The following ATXN7 variants were observed in gnomAD, a reference collection of about 807,000 sequenced individuals.
ATXN7 encodes ataxin-7.
In ATXN7, 12 loss-of-function variants were observed where a neutral mutation model predicts 70.5. The ratio of observed to expected loss-of-function variants is 0.17; its 90% CI spans 0.11 to 0.28. ATXN7 has a LOEUF of 0.28. Among genes scored for constraint, ATXN7 ranks in the 10% least tolerant of loss-of-function variants. ATXN7 has a pLI of 1.00. For missense variants in ATXN7, 1,256 were observed against 1,131.7 expected (o/e 1.11, Z -1.58); for synonymous variants, 498 against 448.7 (o/e 1.11, Z -1.39).
chr3:63,944,773 AGTTTTTG>A (rs1423250987), intron 4 of ATXN7, among the ~76,000 whole-genome samples: 1 of 151,222 alleles, frequency 6.6e-6, no homozygotes, highest in Non-Finnish European at 1.5e-5. Context: ...GTTTTTTGTT[AGTTTTTG>A]GTTTTTGTTT....
chr3:63,945,393 A>G (rs1406346423), intron 4 of ATXN7, among the ~76,000 whole-genome samples: 1 of 152,244 alleles, frequency 6.6e-6, no homozygotes, highest in Non-Finnish European at 1.5e-5. Flanking sequence ...AGAATCAGAC[A>G]TTGAAATACA....
intron 4 of ATXN7, among the ~76,000 whole-genome samples, chr3:63,921,896 A>G (rs567695143): frequency 3.9e-5 from 6 of 152,370 alleles, no homozygotes; most frequent in African/African-American, 1.4e-4. Flanking sequence ...TAATCAAGTC[A>G]TCAGCCAGGA....
intron 1 of ATXN7, among the ~76,000 whole-genome samples, chr3:63,895,842 C>T (rs1703428662): frequency 3.3e-5 from 5 of 151,696 alleles, no homozygotes; most frequent in Non-Finnish European, 7.4e-5. Context: ...CTGGGGGAAA[C>T]GGGAGATAAG....
chr3:63,878,845 A>G (rs1702822631), intron 1 of ATXN7, among the ~76,000 whole-genome samples: 1 of 152,208 alleles, frequency 6.6e-6, no homozygotes, highest in African/African-American at 2.4e-5. Context: ...AAGGGAGCCC[A>G]GAGCAGGGAG....
rs115863396 is a variant in ATXN7, at chr3:63,901,138, G to T, written c.-12+2641G>T. The T allele has an allele frequency of 1.9e-3, 294 of 152,244 alleles. 2 individuals are homozygous for T. Among genetic ancestry groups the T allele is most frequent in the African/African-American group, 6.8e-3 (284 of 41,544 alleles). The allele number at this position is 152,244 out of a possible 1,614,324, so 9.4% of individuals were successfully genotyped here. ...CTTACCTTTTTTTCTTAATTAACAA[G>T]TAAAAATTGGATATGTTTATCATGT... On this transcript the variant is annotated intron_variant, in intron 2 of 12. Coordinates refer to ENST00000674280, the MANE Select transcript of ATXN7 (RefSeq NM_001377405.1).
intron 11 of ATXN7, among the ~76,000 whole-genome samples, chr3:63,991,849 CT>C (rs1394623108): frequency 2.0e-5 from 3 of 151,864 alleles, no homozygotes; most frequent in Admixed American, 6.6e-5. Flanking sequence ...CTGTTTTTTA[CT>C]GCAGAACTTG....
chr3:63,906,310 C>T (rs1005329393), intron 2 of ATXN7, among the ~76,000 whole-genome samples: 2 of 152,124 alleles, frequency 1.3e-5, no homozygotes, highest in Non-Finnish European at 2.9e-5. Flanking sequence ...TAGAGCTGGA[C>T]CTTGGCTGAG....
rs550991365 is a variant in ATXN7, at chr3:63,923,532, C to T, written c.394+10307C>T. On this transcript the variant is annotated intron_variant, in intron 4 of 12. Transcript: ENST00000674280. ...GAGAAAGAAGTAGCCACAGGCTGGG[C>T]GTGGTGGCTCACACTTGTAATCCTA... Among the ~76,000 whole-genome samples the T allele has an allele frequency of 6.0e-4, 92 of 152,222 alleles. 1 individual carries two copies. Among genetic ancestry groups the T allele is most frequent in the African/African-American group, 2.1e-3 (86 of 41,528 alleles).
At chr3:63,948,078 G>T (rs2074893268) in intron 4 of ATXN7, among the ~76,000 whole-genome samples, 1 of 152,148 alleles carries the variant, frequency 6.6e-6, no homozygotes, top group African/African-American at 2.4e-5. Context: ...GAATCACTCT[G>T]GCAGCCTTGT....
intron 4 of ATXN7, among the ~76,000 whole-genome samples, chr3:63,941,997 T>TG (rs2074777252): frequency 6.6e-6 from 1 of 152,232 alleles, no homozygotes; most frequent in Non-Finnish European, 1.5e-5. Context: ...AGCCTTCCTC[T>TG]TCTCTCTGGT....
intron 5 of ATXN7, among the ~76,000 whole-genome samples, chr3:63,963,008 C>T (rs757455312): frequency 9.9e-5 from 15 of 151,440 alleles, no homozygotes; most frequent in Non-Finnish European, 1.9e-4. Flanking sequence ...CCCCACCTCC[C>T]GGGCTCAAGC....
intron 1 of ATXN7, among the ~76,000 whole-genome samples, chr3:63,879,658 A>C (rs895821335): frequency 4.6e-5 from 7 of 151,870 alleles, no homozygotes; most frequent in African/African-American, 1.7e-4. Context: ...TACCCAGCTA[A>C]TGTTTGTATT....
rs2075838749 is a variant in ATXN7 at position 64,002,074 on chromosome 3, G to A, written c.*2607G>A. On this transcript the variant is annotated 3_prime_UTR_variant, in exon 13 of 13. Transcript: ENST00000674280. ...AAACCTACTTTTGTATCTTTATTTTGGAATTTCTTGTTCTATTATAAATAT... is the reference window on the plus strand; with the variant it reads ...AAACCTACTTTTGTATCTTTATTTTAGAATTTCTTGTTCTATTATAAATAT... 6.7e-6 allele frequency: 1 copy of A among 150,146 alleles called. No individual in the cohort carries two copies. The highest frequency in any genetic ancestry group is 6.7e-5 in the Admixed American group (1 of 15,026). The allele number at this position is 150,146 out of a possible 1,614,324, so 9.3% of individuals were successfully genotyped here.
At chr3:63,959,935 T>C (rs1222809164) in intron 5 of ATXN7, among the ~76,000 whole-genome samples, 1 of 152,156 alleles carries the variant, frequency 6.6e-6, no homozygotes, top group Non-Finnish European at 1.5e-5. Flanking sequence ...AGGAAAACAG[T>C]GTCTATGATT....
chr3:63,997,710 T>C (rs1160011901), intron 12 of ATXN7: 1 of 1,551,330 alleles, frequency 6.4e-7, no homozygotes. Context: ...TTCATGATTT[T>C]TTTTCCCCTT....
intron 8 of ATXN7, among the ~76,000 whole-genome samples, chr3:63,984,792 C>G (rs1342948020): frequency 2.6e-5 from 4 of 152,190 alleles, no homozygotes; most frequent in Non-Finnish European, 4.4e-5. Flanking sequence ...TTATTTCGCT[C>G]TCCCTTCAGC....
In ATXN7 at chr3:63,988,214, C is replaced by G; in HGVS notation, c.1251C>G (p.Ala417=). 1.9e-6 allele frequency: 3 copies of G among 1,614,062 alleles called. 1 individual carries two copies. The East Asian group carries it at 6.7e-5, about 36-fold the overall frequency. The change falls in exon 9 of 13, where the codon GCC becomes GCG. Residue 417 remains alanine (A), a synonymous_variant. Transcript: ENST00000674280. ...PPQPLRDPHP[A]PPRTSQEPHQ... ...AGCCTCTCAGGGACCCGCATCCCGC[C>G]CCTCCTAGAACGTCACAGGAGCCGC...
intron 6 of ATXN7, among the ~76,000 whole-genome samples, chr3:63,980,827 A>G (rs1161327446): frequency 6.6e-6 from 1 of 152,198 alleles, no homozygotes. Context: ...CGGAGCAAAT[A>G]GGGAAGCAGT....
In ATXN7 at chr3:64,000,996, C is replaced by T. The variant is rs1425663922; in HGVS notation, c.*1529C>T. 8 of 152,002 alleles carry T rather than the reference C, an allele frequency of 5.3e-5. No homozygotes were observed. The highest frequency in any genetic ancestry group is 1.5e-5 in the Non-Finnish European group (1 of 68,026). 9.4% of individuals were successfully genotyped at this position (152,002 alleles called of 1,614,324 possible). ...AACACAGGGTAAAATTTCCAAGGCG[C>T]TGATCGTTGCCCTGGCCAGGGCCTG... On this transcript the variant is annotated 3_prime_UTR_variant, in exon 13 of 13. Transcript: ENST00000674280.
Sources: allele counts gnomAD v4.1 joint callset (sites outside exome capture counted in the v4.1 genomes callset), GRCh38; gene constraint gnomAD v4.1.1; transcripts MANE v1.5; gene names NCBI Gene and HGNC (gene_info 2026-07-23, HGNC 2026-07-21).